Variants in ALPL observed in about 807,000 individuals in gnomAD.
ALPL encodes alkaline phosphatase, biomineralization associated, also known as alkaline phosphatase, tissue-nonspecific isozyme.
In ALPL, 42 loss-of-function variants were observed where a neutral mutation model predicts 51.3. That is an observed-to-expected ratio of 0.82 (90% CI 0.64 to 1.06). The LOEUF is 1.06. Ranked by LOEUF, ALPL falls within the 50% of genes least tolerant of loss-of-function variation. The pLI is 0.00. For synonymous variants in ALPL, 279 were observed against 296.4 expected (o/e 0.94, Z 0.60); for missense variants, 589 against 709.4 (o/e 0.83, Z 1.93).
At chr1:21,510,165 G>A (rs1643654127) in intron 1 of ALPL, among the ~76,000 whole-genome samples, 1 of 152,164 alleles carries the variant, frequency 6.6e-6, no homozygotes, top group Admixed American at 6.5e-5. Flanking sequence ...GGAGCCTGCC[G>A]CCCCCTTTAG....
intron 1 of ALPL, among the ~76,000 whole-genome samples, chr1:21,540,581 A>G (rs552361097): frequency 8.5e-5 from 13 of 152,162 alleles, no homozygotes; most frequent in Admixed American, 2.0e-4. Context: ...GCTCTCCACC[A>G]GGCCGTGCTT....
chr1:21,531,618 G>A (rs1644031662), intron 1 of ALPL, among the ~76,000 whole-genome samples: 1 of 152,238 alleles, frequency 6.6e-6, no homozygotes, highest in African/African-American at 2.4e-5. Context: ...GAGGAGGATG[G>A]AGTTTCAACA....
Position 21,568,017 on chromosome 1 carries a change from T to C in ALPL, c.649-87T>C, listed in dbSNP as rs907048041. 4 of 1,585,996 alleles carry C rather than the reference T, an allele frequency of 2.5e-6. No homozygotes were observed. The African/African-American group carries it at 4.0e-5, about 16-fold the overall frequency. ...AAGTGTCCACACCATCTCCAGGGACTCCAGGAGTCCAGGTTCCAAGCCGAG... is the reference window on the plus strand; with the variant it reads ...AAGTGTCCACACCATCTCCAGGGACCCCAGGAGTCCAGGTTCCAAGCCGAG... On this transcript the variant is annotated intron_variant, in intron 6 of 11. Coordinates refer to ENST00000374840, the MANE Select transcript of ALPL (RefSeq NM_000478.6).
chr1:21,519,011 A>G (rs1237945669), intron 1 of ALPL, among the ~76,000 whole-genome samples: 2 of 152,200 alleles, frequency 1.3e-5, no homozygotes, highest in Non-Finnish European at 2.9e-5. Flanking sequence ...TATTTCCTGC[A>G]CAAGTCTTTT....
At chr1:21,544,589 CA>C (rs59929479) in intron 1 of ALPL, among the ~76,000 whole-genome samples, 14,076 of 152,038 alleles carry the variant, frequency 0.093, 944 homozygotes, top group African/African-American at 0.19. Context: ...CTAAAAAATA[CA>C]AAAAAATCAG....
At position 21,554,796 on chromosome 1, in the gene ALPL, TCTGTCTG is replaced by T. The variant is rs1558543655; in HGVS notation, c.61+655_61+661del. On this transcript the variant is annotated intron_variant, in intron 2 of 11. Coordinates refer to ENST00000374840, the MANE Select transcript of ALPL (RefSeq NM_000478.6). Reference sequence around the variant, plus strand: ...TGAGCCACCGCGCCTGGCCTGTCTGTCTGTCTGTCTGTCTGTCTGTCTTTCTTTCTTT... The same window carrying T: ...TGAGCCACCGCGCCTGGCCTGTCTGTTCTGTCTGTCTGTCTTTCTTTCTTT... 1.5e-3 allele frequency among the ~76,000 whole-genome samples: 58 copies of T among 39,396 alleles called. 4 individuals carry two copies. The highest frequency in any genetic ancestry group is 6.8e-3 in the African/African-American group (53 of 7,808). 25.8% of individuals were successfully genotyped at this position (39,396 alleles called of 152,430 possible).
chr1:21,516,550 AAC>A (rs1173615843), intron 1 of ALPL, among the ~76,000 whole-genome samples: 3 of 152,176 alleles, frequency 2.0e-5, no homozygotes, highest in Non-Finnish European at 4.4e-5. Flanking sequence ...AGGAAACGGA[AAC>A]ACAAACTCCC....
rs754112144 is a variant in ALPL, at chr1:21,554,801, CTGTCTGTCTGTCTGT to C, written c.61+660_61+674del. 2.7e-4 allele frequency among the ~76,000 whole-genome samples: 8 copies of C among 30,188 alleles called. No homozygotes were observed. The East Asian group carries it at 6.1e-3, about 23-fold the overall frequency. The allele number at this position is 30,188 out of a possible 152,430, so 19.8% of individuals were successfully genotyped here. On this transcript the variant is annotated intron_variant, in intron 2 of 11. Coordinates refer to ENST00000374840, the MANE Select transcript of ALPL (RefSeq NM_000478.6). ...CACCGCGCCTGGCCTGTCTGTCTGT[CTGTCTGTCTGTCTGT>C]CTTTCTTTCTTTCTTTCTTTCTTTC...
At chr1:21,514,609 C>A (rs894051866) in intron 1 of ALPL, among the ~76,000 whole-genome samples, 5 of 152,192 alleles carry the variant, frequency 3.3e-5, no homozygotes, top group African/African-American at 1.2e-4. Context: ...ATGCGGGGGG[C>A]TCTGGAGGCA....
intron 1 of ALPL, among the ~76,000 whole-genome samples, chr1:21,544,523 G>T (rs1644228724): frequency 6.6e-6 from 1 of 152,192 alleles, no homozygotes; most frequent in Non-Finnish European, 1.5e-5. Flanking sequence ...CATGTGGATT[G>T]CCTGAGCTCA....
At chr1:21,543,750 C>A (rs1477244646) in intron 1 of ALPL, among the ~76,000 whole-genome samples, 2 of 152,206 alleles carry the variant, frequency 1.3e-5, no homozygotes, top group Non-Finnish European at 2.9e-5. Context: ...AAAAGACCTT[C>A]CCAGCCTGGA....
At chr1:21,562,979 T>TGG in intron 4 of ALPL, 131 bp from the exon 5 acceptor site, 1 of 1,247,916 alleles carries the variant, frequency 8.0e-7, no homozygotes, top group Non-Finnish European at 1.2e-6. Flanking sequence ...CAGTGGGCAG[T>TGG]GGGCCTGGTC....
chr1:21,539,230 T>C (rs1319160235), intron 1 of ALPL, among the ~76,000 whole-genome samples: 1 of 152,194 alleles, frequency 6.6e-6, no homozygotes, highest in African/African-American at 2.4e-5. Context: ...GCATGCTCCT[T>C]AATCTCTCTG....
In ALPL at chr1:21,577,812, A is replaced by AGCC; in HGVS notation, c.*164_*165insGCC. 1.0e-6 allele frequency: 1 copy of AGCC among 978,036 alleles called. No homozygotes were observed. The highest frequency in any genetic ancestry group is 1.5e-6 in the Non-Finnish European group (1 of 678,738). The allele number at this position is 978,036 out of a possible 1,614,324, so 60.6% of individuals were successfully genotyped here. A position where few individuals can be genotyped will look rare whatever the true frequency, so the allele number is the denominator to read the frequency against. On this transcript the variant is annotated 3_prime_UTR_variant, in exon 12 of 12. Transcript: ENST00000374840. ...TGCCGCCCACCTCGCTCCCCTCTGG[A>AGCC]ATCTTCCCCAAGGGCCAAACCCACT...
At chr1:21,546,432 C>T (rs542937671) in intron 1 of ALPL, among the ~76,000 whole-genome samples, 1 of 152,292 alleles carries the variant, frequency 6.6e-6, no homozygotes, top group South Asian at 2.1e-4. Context: ...CACAGCTGTG[C>T]ATATCCAAGT....
intron 1 of ALPL, among the ~76,000 whole-genome samples, chr1:21,548,829 GTTGTAAGTGTCC>G (rs1270472590): frequency 1.3e-5 from 2 of 152,174 alleles, no homozygotes; most frequent in Non-Finnish European, 2.9e-5. Context: ...TGGCCTTGGA[GTTGTAAGTGTCC>G]TTGTACGTTA....
At chr1:21,574,168 T>C in intron 9 of ALPL, 5 of 985,492 alleles carry the variant, frequency 5.1e-6, no homozygotes, top group Non-Finnish European at 6.0e-6. Flanking sequence ...TGTGTGCTGA[T>C]GTTCCCAGGC....
At chr1:21,532,426 T>C (rs1308582480) in intron 1 of ALPL, among the ~76,000 whole-genome samples, 1 of 151,950 alleles carries the variant, frequency 6.6e-6, no homozygotes. Context: ...CCTGACCTCA[T>C]GTGATCCGCC....
intron 1 of ALPL, among the ~76,000 whole-genome samples, chr1:21,530,325 C>G (rs1372436027): frequency 6.6e-6 from 1 of 152,172 alleles, no homozygotes; most frequent in Non-Finnish European, 1.5e-5. Context: ...AGCGGTATCT[C>G]TAATCAGTTT....
Sources: allele counts gnomAD v4.1 joint callset (sites outside exome capture counted in the v4.1 genomes callset), GRCh38; gene constraint gnomAD v4.1.1; transcripts MANE v1.5; gene names NCBI Gene and HGNC (gene_info 2026-07-23, HGNC 2026-07-21).